The following NBEA variants were observed in gnomAD, a reference collection of about 807,000 sequenced individuals.
The protein encoded by NBEA is lysosomal-trafficking regulator 2.
NBEA carries 44 observed loss-of-function variants against 343.4 expected under a neutral mutation model. That is an observed-to-expected ratio of 0.13 (90% confidence interval 0.10 to 0.16). The LOEUF is 0.16. Ranked by LOEUF, NBEA falls within the 10% of genes least tolerant of loss-of-function variation. The pLI, the probability that NBEA is intolerant of heterozygous loss-of-function variation, is 1.00. For missense variants in NBEA, 2,555 were observed against 3,631.3 expected (o/e 0.70, Z 7.62); for synonymous variants, 1,175 against 1,238.7 (o/e 0.95, Z 1.08).
At chr13:35,008,735 C>T (rs567864055) in intron 1 of NBEA, among the ~76,000 whole-genome samples, 1 of 152,324 alleles carries the variant, frequency 6.6e-6, no homozygotes, top group South Asian at 2.1e-4. Context: ...TACAGATTTA[C>T]ATATTTTAAA....
At chr13:35,148,809 G>A (rs1246648678) in intron 18 of NBEA, among the ~76,000 whole-genome samples, 1 of 152,096 alleles carries the variant, frequency 6.6e-6, no homozygotes, top group African/African-American at 2.4e-5. Context: ...TACAGTATCT[G>A]TCACAACTAC....
intron 41 of NBEA, among the ~76,000 whole-genome samples, chr13:35,494,281 G>T (rs1021162617): frequency 6.6e-6 from 1 of 151,956 alleles, no homozygotes; most frequent in African/African-American, 2.4e-5. Context: ...CAAAATATTA[G>T]AGAATTTTGC....
intron 46 of NBEA, among the ~76,000 whole-genome samples, chr13:35,591,010 C>G (rs1383219815): frequency 6.6e-6 from 1 of 151,982 alleles, no homozygotes; most frequent in Middle Eastern, 3.2e-3. Flanking sequence ...GGTGGGAAGT[C>G]CAACAGTGAA....
intron 41 of NBEA, among the ~76,000 whole-genome samples, chr13:35,504,892 G>A (rs549796032): frequency 4.4e-4 from 67 of 152,194 alleles, no homozygotes; most frequent in Admixed American, 2.2e-3. Context: ...GATTACAGGC[G>A]TGAGCCACTG....
intron 34 of NBEA, among the ~76,000 whole-genome samples, chr13:35,270,606 G>A (rs1263165446): frequency 6.6e-6 from 1 of 152,136 alleles, no homozygotes; most frequent in Non-Finnish European, 1.5e-5. Flanking sequence ...GTACCTGGAG[G>A]AATGGTACAC....
chr13:35,139,235 AT>A (rs1190157079), intron 17 of NBEA, among the ~76,000 whole-genome samples: 2 of 151,268 alleles, frequency 1.3e-5, no homozygotes, highest in East Asian at 3.9e-4. Flanking sequence ...TAATTTTTGT[AT>A]TTTTAGTGTA....
intron 38 of NBEA, among the ~76,000 whole-genome samples, chr13:35,430,235 G>A (rs1232479574): frequency 6.6e-6 from 1 of 151,940 alleles, no homozygotes; most frequent in East Asian, 1.9e-4. Flanking sequence ...TTCTTTCATA[G>A]GTTTGTTGGC....
At chr13:35,170,468 T>C (rs1019505519) in intron 25 of NBEA, among the ~76,000 whole-genome samples, 1 of 151,886 alleles carries the variant, frequency 6.6e-6, no homozygotes, top group Non-Finnish European at 1.5e-5. Flanking sequence ...ATTAAAATGC[T>C]GTATAGTCCA....
intron 35 of NBEA, among the ~76,000 whole-genome samples, chr13:35,295,296 T>G (rs562647485): frequency 1.3e-5 from 2 of 151,844 alleles, no homozygotes; most frequent in South Asian, 4.1e-4. Context: ...GTCTAACTTT[T>G]AAACAGTATT....
intron 17 of NBEA, among the ~76,000 whole-genome samples, chr13:35,126,823 C>T (rs754135410): frequency 1.3e-5 from 2 of 150,468 alleles, no homozygotes; most frequent in Non-Finnish European, 1.5e-5. Flanking sequence ...GAGGCTGAGG[C>T]AGGAGAATTG....
At chr13:35,460,350 A>C (rs546817527) in intron 40 of NBEA, among the ~76,000 whole-genome samples, 1 of 152,364 alleles carries the variant, frequency 6.6e-6, no homozygotes, top group South Asian at 2.1e-4. Context: ...TTGCTTTGCC[A>C]GTCATAAATA....
chr13:35,175,398 G>T (rs144039820), intron 27 of NBEA, among the ~76,000 whole-genome samples: 1 of 152,230 alleles, frequency 6.6e-6, no homozygotes, highest in East Asian at 1.9e-4. Flanking sequence ...ATATATTGTC[G>T]TGAAACGAAT....
At chr13:35,177,643 G>A (rs1019041731) in intron 28 of NBEA, among the ~76,000 whole-genome samples, 5 of 151,786 alleles carry the variant, frequency 3.3e-5, no homozygotes, top group African/African-American at 1.2e-4. Flanking sequence ...CTTATGATCA[G>A]TTACTCCAGG....
intron 30 of NBEA, among the ~76,000 whole-genome samples, chr13:35,184,902 G>A (rs990204823): frequency 6.6e-6 from 1 of 152,100 alleles, no homozygotes; most frequent in African/African-American, 2.4e-5. Flanking sequence ...TACGCACTCT[G>A]CAAAATTCCT....
chr13:35,520,581 CATGCCACAGAAACTCTG>C (rs2077665199), intron 41 of NBEA, among the ~76,000 whole-genome samples: 1 of 152,122 alleles, frequency 6.6e-6, no homozygotes, highest in South Asian at 2.1e-4. Flanking sequence ...CCAAGGACGT[CATGCCACAGAAACTCTG>C]AGGGACACCA....
At chr13:35,572,961 A>G (rs1446779978) in intron 45 of NBEA, among the ~76,000 whole-genome samples, 1 of 152,206 alleles carries the variant, frequency 6.6e-6, no homozygotes, top group Non-Finnish European at 1.5e-5. Context: ...TATGGGCAAA[A>G]CTACTAGGTG....
intron 18 of NBEA, among the ~76,000 whole-genome samples, chr13:35,154,455 T>C (rs930685344): frequency 2.0e-5 from 3 of 152,194 alleles, no homozygotes; most frequent in Non-Finnish European, 2.9e-5. Flanking sequence ...ATCACAGATA[T>C]AAAATGATGT....
intron 47 of NBEA, among the ~76,000 whole-genome samples, chr13:35,603,292 A>T (rs1160439507): frequency 6.6e-6 from 1 of 152,220 alleles, no homozygotes; most frequent in Non-Finnish European, 1.5e-5. Context: ...TATAGCACTG[A>T]GAGCTACGAA....
In NBEA at chr13:35,371,776, T is replaced by C. The variant is rs540597618; in HGVS notation, c.6179+19453T>C. The stretch of plus-strand genomic sequence containing the variant: ...TTTGCTTTTGCAGTGGAGGATACTT[T>C]TATGAAGATATGTCTGTGGTGTTTG... On this transcript the variant is annotated intron_variant, in intron 38 of 58. Transcript: ENST00000379939. Among the ~76,000 whole-genome samples the C allele has an allele frequency of 4.6e-5, 7 of 152,296 alleles. No homozygotes were observed. The South Asian group carries it at 1.0e-3, about 23-fold the overall frequency.
Sources: allele counts gnomAD v4.1 joint callset (sites outside exome capture counted in the v4.1 genomes callset), GRCh38; gene constraint gnomAD v4.1.1; transcripts MANE v1.5; gene names NCBI Gene and HGNC (gene_info 2026-07-23, HGNC 2026-07-21).